Variants in SYCP2L observed in about 807,000 individuals in gnomAD.
The protein encoded by SYCP2L is synaptonemal complex protein 2-like.
In SYCP2L, 98 loss-of-function variants were observed where a neutral mutation model predicts 125.8. The ratio of observed to expected loss-of-function variants is 0.78; its 90% CI spans 0.66 to 0.92. SYCP2L has a LOEUF of 0.92. Among genes scored for constraint, SYCP2L ranks in the 40% least tolerant of loss-of-function variants. The probability of loss-of-function intolerance (pLI) is 0.00; values close to 1 mark genes in which losing one functional copy is unlikely to be tolerated. For synonymous variants in SYCP2L, 317 were observed against 325.4 expected, an observed-to-expected ratio of 0.97 and a Z score of 0.28; for missense variants, 842 against 936.4, an observed-to-expected ratio of 0.90 and a Z score of 1.32.
intron 14 of SYCP2L, among the ~76,000 whole-genome samples, chr6:10,923,160 C>T (rs1206748940): frequency 3.9e-5 from 6 of 151,902 alleles, no homozygotes; most frequent in Non-Finnish European, 8.8e-5. Flanking sequence ...TTTCCCGTCT[C>T]ATTAATTTGT....
At position 10,889,863 on chromosome 6, in the gene SYCP2L, A is replaced by G. The variant is rs897313063; in HGVS notation, c.10-1650A>G. On this transcript the variant is annotated intron_variant, in intron 1 of 29. Coordinates refer to ENST00000283141, the MANE Select transcript of SYCP2L (RefSeq NM_001040274.3). ...TCCAACTCCTGACCTCAGGTGATCC[A>G]CCCACCTCGGCCACCCAAAGTGCTG... Among the ~76,000 whole-genome samples the G allele has an allele frequency of 4.6e-5, 7 of 151,730 alleles. No individual in the cohort carries two copies. The South Asian group carries it at 1.0e-3, about 23-fold the overall frequency.
chr6:10,926,553 T>A (rs1780900472), intron 16 of SYCP2L, 121 bp downstream of exon 16: 1 of 703,224 alleles, frequency 1.4e-6, no homozygotes, highest in East Asian at 2.7e-5. Context: ...ATGGCACTTC[T>A]GGAGGAAGAA....
intron 19 of SYCP2L, 100 bp downstream of exon 19, chr6:10,930,614 A>G: frequency 7.4e-7 from 1 of 1,354,952 alleles, no homozygotes; most frequent in Non-Finnish European, 1.0e-6. Flanking sequence ...CCAAAGAAAT[A>G]TATGATTATG....
intron 21 of SYCP2L, among the ~76,000 whole-genome samples, chr6:10,939,315 GATTCA>G (rs1442663673): frequency 6.6e-6 from 1 of 152,130 alleles, no homozygotes; most frequent in Non-Finnish European, 1.5e-5. Flanking sequence ...GCAATATACA[GATTCA>G]ATTCAACTGC....
At chr6:10,903,187 C>A (rs1209748138) in intron 8 of SYCP2L, among the ~76,000 whole-genome samples, 1 of 152,194 alleles carries the variant, frequency 6.6e-6, no homozygotes, top group Admixed American at 6.5e-5. Flanking sequence ...GTAATCCCAG[C>A]ACTTTGGGGG....
intron 28 of SYCP2L, among the ~76,000 whole-genome samples, chr6:10,961,789 A>T (rs963153675): frequency 6.6e-6 from 1 of 152,184 alleles, no homozygotes; most frequent in Admixed American, 6.5e-5. Context: ...GTGTTTTTTT[A>T]AAATCCCAAT....
intron 17 of SYCP2L, 29 bp from the exon 18 acceptor site, chr6:10,928,374 T>G: frequency 8.9e-7 from 1 of 1,118,736 alleles, no homozygotes. Context: ...GTCTATGAAA[T>G]CTTCACAATC....
chr6:10,939,033 T>C (rs1781163611), intron 21 of SYCP2L, among the ~76,000 whole-genome samples: 1 of 151,988 alleles, frequency 6.6e-6, no homozygotes, highest in Non-Finnish European at 1.5e-5. Context: ...CGCGGGAGAA[T>C]TGCTTGAATC....
intron 1 of SYCP2L, 72 bp from the exon 2 acceptor site, chr6:10,891,441 T>TGG: frequency 1.1e-6 from 1 of 884,572 alleles, no homozygotes; most frequent in Non-Finnish European, 1.7e-6. Flanking sequence ...TTTTTTTTGC[T>TGG]TTGTGTTTAA....
rs1285705288 is a variant in SYCP2L, at chr6:10,893,488, C to T, written c.79-379C>T. ...TGAAATTTTTAGTGTTTTAGAATTC[C>T]CAACATTGCTGAGGATCTTCACCTA... On this transcript the variant is annotated intron_variant, in intron 2 of 29. Coordinates refer to ENST00000283141, the MANE Select transcript of SYCP2L (RefSeq NM_001040274.3). Among the ~76,000 whole-genome samples the T allele has an allele frequency of 2.6e-5, 4 of 152,060 alleles. No individual in the cohort carries two copies. In the East Asian group the frequency reaches 7.7e-4, roughly 29 times the overall value.
intron 19 of SYCP2L, among the ~76,000 whole-genome samples, chr6:10,930,865 G>A (rs990026468): frequency 6.6e-6 from 1 of 152,192 alleles, no homozygotes; most frequent in African/African-American, 2.4e-5. Flanking sequence ...AGAAAGGGAA[G>A]CATTCTTAGG....
At chr6:10,914,140 A>C (rs535908044) in intron 14 of SYCP2L, among the ~76,000 whole-genome samples, 74 of 152,210 alleles carry the variant, frequency 4.9e-4, no homozygotes, top group Non-Finnish European at 8.2e-4. Context: ...TTCTTCTAGA[A>C]TTTTTATAGT....
chr6:10,903,849 T>C (rs1375339864), intron 8 of SYCP2L, among the ~76,000 whole-genome samples: 1 of 152,154 alleles, frequency 6.6e-6, no homozygotes, highest in Non-Finnish European at 1.5e-5. Context: ...GCTTCAACGT[T>C]GTGAGGCAAA....
intron 23 of SYCP2L, among the ~76,000 whole-genome samples, chr6:10,948,985 C>A (rs1179700554): frequency 6.6e-6 from 1 of 152,004 alleles, no homozygotes; most frequent in Admixed American, 6.6e-5. Context: ...TAATTTTAAT[C>A]ATTGTAGTTG....
chr6:10,927,391 A>G, intron 17 of SYCP2L, 24 bp downstream of exon 17: 2 of 1,586,926 alleles, frequency 1.3e-6, no homozygotes, highest in Non-Finnish European at 8.6e-7. Flanking sequence ...TATTTTCCCT[A>G]AGCATCGGCC....
chr6:10,907,892 G>GTGTTTTTTTTTTTTTTTTTT (rs1780526438), intron 10 of SYCP2L, among the ~76,000 whole-genome samples: 1 of 91,938 alleles, frequency 1.1e-5, no homozygotes, highest in African/African-American at 4.1e-5. Context: ...ATACAGATAG[G>GTGTTTTTTTTTTTTTTTTTT]TTTTTTTTTT....
At chr6:10,971,520 A>G (rs1474752194) in intron 29 of SYCP2L, among the ~76,000 whole-genome samples, 1 of 152,010 alleles carries the variant, frequency 6.6e-6, no homozygotes, top group African/African-American at 2.4e-5. Flanking sequence ...AAACAACATA[A>G]AAGTTTATAA....
chr6:10,942,751 G>T lies in SYCP2L; in HGVS notation c.1954+5G>T. ...TGAGAAACTTGGAAGACAAAGGTAA[G>T]AGAATAGTACTTTTTTTTTTTTTTT... On this transcript the variant is annotated splice_donor_5th_base_variant and intron_variant, in intron 23 of 29. Transcript: ENST00000283141. 6.4e-7 allele frequency: 1 copy of T among 1,574,376 alleles called. No individual in the cohort carries two copies.
intron 1 of SYCP2L, among the ~76,000 whole-genome samples, chr6:10,887,699 G>T (rs2153159): frequency 0.49 from 74,927 of 151,984 alleles, 18,981 homozygotes; most frequent in East Asian, 0.69. Context: ...AAATTCTGAT[G>T]TAATTGGTCT....
Sources: allele counts gnomAD v4.1 joint callset (sites outside exome capture counted in the v4.1 genomes callset), GRCh38; gene constraint gnomAD v4.1.1; transcripts MANE v1.5; gene names NCBI Gene and HGNC (gene_info 2026-07-23, HGNC 2026-07-21).